Variants in KDM4C observed in about 807,000 individuals in gnomAD.
KDM4C encodes the protein lysine demethylase 4C.
In KDM4C, 81 loss-of-function variants were observed where a neutral mutation model predicts 129.3. That is an observed-to-expected ratio of 0.63 (90% CI 0.52 to 0.75). The LOEUF is 0.75. KDM4C is among the 30% of genes least tolerant of loss of function. The probability of loss-of-function intolerance (pLI) is 0.00; values close to 1 mark genes in which losing one functional copy is unlikely to be tolerated. For missense variants in KDM4C, 1,457 were observed against 1,304.0 expected, an observed-to-expected ratio of 1.12 and a Z score of -1.81; for synonymous variants, 573 against 456.1, an observed-to-expected ratio of 1.26 and a Z score of -3.26.
chr9:6,757,867 C>G (rs1168847063), upstream of KDM4C: 34 of 985,468 alleles, frequency 3.5e-5, no homozygotes, highest in Non-Finnish European at 4.0e-5. Context: ...AAGTTGAGCC[C>G]AAAGCAAGAG....
At chr9:6,819,414 C>A (rs892886015) in intron 4 of KDM4C, among the ~76,000 whole-genome samples, 2 of 152,200 alleles carry the variant, frequency 1.3e-5, no homozygotes, top group African/African-American at 4.8e-5. Context: ...TTTGTAAACA[C>A]GCAGTTTTAA....
In KDM4C at chr9:6,834,952, C is replaced by T. The variant is rs569919808; in HGVS notation, c.436-14555C>T. ...GGGTCACCCACAGTGTGCCCATCTGCGAGGGATATGCCCTCCCCCACACCA... is the reference window on the plus strand; with the variant it reads ...GGGTCACCCACAGTGTGCCCATCTGTGAGGGATATGCCCTCCCCCACACCA... On this transcript the variant is annotated intron_variant, in intron 4 of 21. Transcript: ENST00000381309. 736 of 1,047,110 alleles carry T rather than the reference C, an allele frequency of 7.0e-4. 6 individuals are homozygous for T. In the African/African-American group the frequency reaches 9.6e-3, roughly 14 times the overall value. 64.9% of individuals were successfully genotyped at this position (1,047,110 alleles called of 1,614,324 possible).
chr9:6,766,359 G>C (rs965860725), intron 1 of KDM4C, among the ~76,000 whole-genome samples: 2 of 151,846 alleles, frequency 1.3e-5, no homozygotes, highest in African/African-American at 4.8e-5. Flanking sequence ...TATGATAATC[G>C]TACAAAAAGC....
At chr9:7,091,709 G>A (rs1835824412) in intron 17 of KDM4C, among the ~76,000 whole-genome samples, 1 of 152,128 alleles carries the variant, frequency 6.6e-6, no homozygotes, top group Non-Finnish European at 1.5e-5. Flanking sequence ...TGAGAATATT[G>A]AGTTAAGCCT....
rs60026646 is a variant in KDM4C, at chr9:7,124,607, G to A, written c.2611-3459G>A. Among the ~76,000 whole-genome samples the A allele has an allele frequency of 2.0e-3, 311 of 152,270 alleles. 2 individuals are homozygous for A. The highest frequency in any genetic ancestry group is 6.1e-3 in the African/African-American group (253 of 41,548). On this transcript the variant is annotated intron_variant, in intron 18 of 21. Transcript: ENST00000381309. Reference sequence around the variant, plus strand: ...AAAGGGGATGAATGGGGGTAAAGTCGTAAACTGCGTAATTATTTCAGTATA... The same window carrying A: ...AAAGGGGATGAATGGGGGTAAAGTCATAAACTGCGTAATTATTTCAGTATA...
intron 4 of KDM4C, among the ~76,000 whole-genome samples, chr9:6,841,539 A>G (rs62535660): frequency 0.074 from 11,257 of 152,212 alleles, 601 homozygotes; most frequent in Non-Finnish European, 0.11. Context: ...CAGTTTATCA[A>G]TTTTTCTGTA....
At chr9:7,044,017 A>G (rs547798117) in intron 15 of KDM4C, among the ~76,000 whole-genome samples, 7 of 152,152 alleles carry the variant, frequency 4.6e-5, no homozygotes, top group South Asian at 2.1e-4. Context: ...AGTAAGAGCA[A>G]TTAACCTGAC....
In KDM4C at chr9:6,901,055, A is replaced by G. The variant is rs1030657744; in HGVS notation, c.921+7823A>G. Among the ~76,000 whole-genome samples the G allele has an allele frequency of 5.3e-5, 8 of 152,142 alleles. No individual in the cohort carries two copies. The East Asian group carries it at 9.6e-4, about 18-fold the overall frequency. On this transcript the variant is annotated intron_variant, in intron 8 of 21. Coordinates refer to ENST00000381309, the MANE Select transcript of KDM4C (RefSeq NM_015061.6). ...TAAACACATAGGAAAAATTTTTACT[A>G]AAGGCTCTATTCTAGACATGGTGAC...
intron 8 of KDM4C, among the ~76,000 whole-genome samples, chr9:6,909,809 A>G (rs975473479): frequency 6.6e-5 from 10 of 152,206 alleles, no homozygotes; most frequent in Admixed American, 2.0e-4. Context: ...AAAATATTTA[A>G]TGTTAAATAT....
At chr9:7,024,548 T>C (rs1825472803) in intron 15 of KDM4C, among the ~76,000 whole-genome samples, 1 of 151,744 alleles carries the variant, frequency 6.6e-6, no homozygotes, top group African/African-American at 2.4e-5. Context: ...GTGTTCTCAT[T>C]GTTCAATTCC....
intron 9 of KDM4C, among the ~76,000 whole-genome samples, chr9:6,983,533 C>G (rs1378667486): frequency 6.7e-6 from 1 of 148,632 alleles, no homozygotes; most frequent in African/African-American, 2.5e-5. Flanking sequence ...GCCAGGAGTT[C>G]TAGACCACCC....
intron 15 of KDM4C, among the ~76,000 whole-genome samples, chr9:7,032,772 C>G (rs1024757254): frequency 2.0e-5 from 3 of 152,252 alleles, no homozygotes; most frequent in South Asian, 2.1e-4. Context: ...GGAAAGAAGG[C>G]CAAGCCACTG....
At chr9:6,806,130 A>G (rs1829920279) in intron 3 of KDM4C, among the ~76,000 whole-genome samples, 1 of 152,216 alleles carries the variant, frequency 6.6e-6, no homozygotes, top group Non-Finnish European at 1.5e-5. Context: ...GAAGATTAGT[A>G]CTTTTAAAAG....
intron 2 of KDM4C, among the ~76,000 whole-genome samples, chr9:6,799,426 G>GT (rs1409762592): frequency 6.6e-6 from 1 of 152,214 alleles, no homozygotes; most frequent in Non-Finnish European, 1.5e-5. Flanking sequence ...CCAGTCAGGA[G>GT]TGGCGGCGCG....
intron 7 of KDM4C, among the ~76,000 whole-genome samples, chr9:6,892,224 C>T (rs1223518021): frequency 1.3e-5 from 2 of 152,056 alleles, no homozygotes; most frequent in African/African-American, 2.4e-5. Context: ...GGGTTAGAAA[C>T]ATTTTAAGAT....
intron 1 of KDM4C, among the ~76,000 whole-genome samples, chr9:6,727,683 G>A (rs1314475742): frequency 7.9e-6 from 1 of 127,172 alleles, no homozygotes; most frequent in East Asian, 2.1e-4. Context: ...CCCAGTAAAT[G>A]AGGCAGGCAA....
At chr9:6,982,310 A>G (rs1198545166) in intron 9 of KDM4C, 2 of 152,130 alleles carry the variant, frequency 1.3e-5, no homozygotes, top group East Asian at 3.8e-4. Context: ...GGCATCTTAT[A>G]AGAGGTAGAC....
intron 8 of KDM4C, among the ~76,000 whole-genome samples, chr9:6,966,303 C>G (rs933614498): frequency 3.3e-5 from 5 of 152,110 alleles, no homozygotes; most frequent in African/African-American, 9.7e-5. Flanking sequence ...CTGCCTCAGC[C>G]TCCTGAATAG....
chr9:6,845,908 C>G (rs991327286), intron 4 of KDM4C, among the ~76,000 whole-genome samples: 1 of 152,198 alleles, frequency 6.6e-6, no homozygotes, highest in African/African-American at 2.4e-5. Context: ...CTGCTGAAAC[C>G]TGATGGAATT....
Sources: allele counts gnomAD v4.1 joint callset (sites outside exome capture counted in the v4.1 genomes callset), GRCh38; gene constraint gnomAD v4.1.1; transcripts MANE v1.5; gene names NCBI Gene and HGNC (gene_info 2026-07-23, HGNC 2026-07-21).